The following CFAP61 variants were observed in gnomAD, a reference collection of about 807,000 sequenced individuals.
CFAP61 encodes cilia and flagella associated protein 61.
Under a neutral mutation model 135.6 loss-of-function variants are expected in CFAP61, and 107 were observed. The ratio of observed to expected loss-of-function variants is 0.79; its 90% confidence interval spans 0.67 to 0.93. The LOEUF is 0.93. Among genes scored for constraint, CFAP61 ranks in the 40% least tolerant of loss-of-function variants. The pLI is 0.00. For missense variants in CFAP61, 1,507 were observed against 1,556.2 expected (o/e 0.97, Z 0.53); for synonymous variants, 575 against 578.5 (o/e 0.99, Z 0.09).
At chr20:20,175,906 A>G (rs2054593869) in intron 13 of CFAP61, among the ~76,000 whole-genome samples, 1 of 152,154 alleles carries the variant, frequency 6.6e-6, no homozygotes, top group South Asian at 2.1e-4. Context: ...AACTATCATC[A>G]GAGTGAGCAG....
rs191062159 is a variant in CFAP61, at chr20:20,211,236, G to A, written c.1932+11334G>A. ...GCAGTACCTGGTTAGCCGGGGGCGC[G>A]GTCCTCCCAAAGGGCTGCCCCACGT... On this transcript the variant is annotated intron_variant, in intron 17 of 26. Coordinates refer to ENST00000245957, the MANE Select transcript of CFAP61 (RefSeq NM_015585.4). Among the ~76,000 whole-genome samples the A allele has an allele frequency of 2.8e-4, 43 of 152,290 alleles. No individual in the cohort carries two copies. The East Asian group carries it at 7.9e-3, about 28-fold the overall frequency.
At chr20:20,301,378 A>G (rs2056083682) in intron 25 of CFAP61, among the ~76,000 whole-genome samples, 1 of 152,198 alleles carries the variant, frequency 6.6e-6, no homozygotes, top group Admixed American at 6.5e-5. Flanking sequence ...AGACTAGACT[A>G]TCTAGGTTTG....
chr20:20,188,319 A>G (rs1305872052), intron 14 of CFAP61, among the ~76,000 whole-genome samples: 2 of 152,224 alleles, frequency 1.3e-5, no homozygotes, highest in Non-Finnish European at 2.9e-5. Context: ...ACTTGATCCA[A>G]ACAATCATAT....
Position 20,298,167 on chromosome 20 carries a change from C to T in CFAP61, c.3217-14C>T. ...TTTCTAATGTTGTTTTTCTTGTCCA[C>T]ATCCCTCCTCCAGGGTTTAGAACTA... On this transcript the variant is annotated splice_polypyrimidine_tract_variant and intron_variant, in intron 24 of 26. Transcript: ENST00000245957. The T allele has an allele frequency of 1.3e-6, 2 of 1,590,324 alleles. No homozygotes were observed. The highest frequency in any genetic ancestry group is 1.7e-6 in the Non-Finnish European group (2 of 1,158,472).
At chr20:20,347,299 AC>A (rs2058668107) in intron 26 of CFAP61, among the ~76,000 whole-genome samples, 1 of 152,248 alleles carries the variant, frequency 6.6e-6, no homozygotes, top group Admixed American at 6.5e-5. Context: ...CAAATCAGTA[AC>A]CTAATTTTAT....
intron 21 of CFAP61, among the ~76,000 whole-genome samples, chr20:20,266,329 T>C (rs2052740914): frequency 6.6e-6 from 1 of 152,236 alleles, no homozygotes; most frequent in Admixed American, 6.5e-5. Context: ...TTGAAAAGAA[T>C]ATAGCTGTTG....
chr20:20,151,032 C>T (rs968269628), intron 9 of CFAP61, among the ~76,000 whole-genome samples: 5 of 152,032 alleles, frequency 3.3e-5, no homozygotes, highest in African/African-American at 1.2e-4. Flanking sequence ...ACTAGCTCCC[C>T]AGCAATGGAT....
chr20:20,331,611 C>T (rs1271050480), intron 25 of CFAP61, among the ~76,000 whole-genome samples: 1 of 152,184 alleles, frequency 6.6e-6, no homozygotes, highest in East Asian at 1.9e-4. Context: ...AGAGCCATTA[C>T]TTTAACCAAA....
At chr20:20,138,917 C>T (rs560734029) in intron 8 of CFAP61, among the ~76,000 whole-genome samples, 1 of 152,252 alleles carries the variant, frequency 6.6e-6, no homozygotes, top group African/African-American at 2.4e-5. Flanking sequence ...ATTCTTGCCC[C>T]AGTAACTCTC....
At chr20:20,085,477 C>G (rs778637174) in intron 6 of CFAP61, 10 of 1,366,402 alleles carry the variant, frequency 7.3e-6, no homozygotes, top group Non-Finnish European at 9.8e-6. Flanking sequence ...AAGAGAGAGC[C>G]TCTTCAGAAC....
intron 25 of CFAP61, among the ~76,000 whole-genome samples, chr20:20,309,670 T>C (rs113200048): frequency 3.0e-4 from 46 of 152,300 alleles, no homozygotes; most frequent in African/African-American, 1.1e-3. Context: ...GCAGTTGTTG[T>C]GTTTGACTCA....
At chr20:20,191,964 C>T (rs781112122) in intron 15 of CFAP61, among the ~76,000 whole-genome samples, 4 of 151,966 alleles carry the variant, frequency 2.6e-5, no homozygotes, top group Non-Finnish European at 5.9e-5. Flanking sequence ...TGTTCTGTTC[C>T]GTGGATTTAT....
chr20:20,155,280 T>A (rs559831289), intron 9 of CFAP61, among the ~76,000 whole-genome samples: 2 of 152,218 alleles, frequency 1.3e-5, no homozygotes, highest in Admixed American at 1.3e-4. Flanking sequence ...CAACTCAAGA[T>A]GGATCAAAGA....
chr20:20,060,452 C>A (rs555968968), intron 2 of CFAP61, among the ~76,000 whole-genome samples: 27 of 152,174 alleles, frequency 1.8e-4, no homozygotes, highest in African/African-American at 6.5e-4. Context: ...TTGCATAAAA[C>A]AATAATATTG....
chr20:20,340,142 G>A (rs552465913), intron 25 of CFAP61, among the ~76,000 whole-genome samples: 1 of 152,236 alleles, frequency 6.6e-6, no homozygotes, highest in Non-Finnish European at 1.5e-5. Flanking sequence ...TGGGCACCTG[G>A]AGTGCACAGC....
At chr20:20,278,802 A>T (rs1197840219) in intron 22 of CFAP61, among the ~76,000 whole-genome samples, 1 of 152,148 alleles carries the variant, frequency 6.6e-6, no homozygotes, top group Non-Finnish European at 1.5e-5. Flanking sequence ...TTATCCTGAG[A>T]TCCATGGAAA....
chr20:20,292,042 G>T (rs936574824), intron 24 of CFAP61, among the ~76,000 whole-genome samples: 1 of 152,246 alleles, frequency 6.6e-6, no homozygotes, highest in Non-Finnish European at 1.5e-5. Flanking sequence ...GTAAGCAGAA[G>T]CTCTTGGAAA....
At chr20:20,158,342 G>A (rs1326912682) in intron 9 of CFAP61, among the ~76,000 whole-genome samples, 5 of 113,284 alleles carry the variant, frequency 4.4e-5, no homozygotes, top group East Asian at 2.3e-4. Flanking sequence ...ACACCAAGTG[G>A]ACCTTTGAAA....
chr20:20,097,789 C>G (rs2047691160), intron 7 of CFAP61, among the ~76,000 whole-genome samples: 1 of 152,220 alleles, frequency 6.6e-6, no homozygotes, highest in Non-Finnish European at 1.5e-5. Flanking sequence ...CATTTTCCAC[C>G]AAACTTCCTT....
Sources: gnomAD v4.1 joint callset for allele counts (sites outside exome capture counted in the v4.1 genomes callset) on GRCh38, gnomAD v4.1.1 for gene constraint, MANE v1.5 for transcripts, NCBI Gene and HGNC (gene_info 2026-07-23, HGNC 2026-07-21) for gene names.